SLC24A3: variants seen among roughly 807,000 people sequenced by gnomAD.
SLC24A3 encodes sodium/potassium/calcium exchanger 3.
A neutral mutation model predicts 75.8 loss-of-function variants in SLC24A3; 28 were observed. That is an observed-to-expected ratio of 0.37 (90% CI 0.27 to 0.51). The LOEUF (loss-of-function observed/expected upper bound fraction) is 0.51, where lower values mean the gene tolerates loss of function less well. SLC24A3 is among the 20% of genes least tolerant of loss of function. SLC24A3 has a pLI of 0.94. For missense variants in SLC24A3, 663 were observed against 847.8 expected, an observed-to-expected ratio of 0.78 and a Z score of 2.71; for synonymous variants, 372 against 334.1, an observed-to-expected ratio of 1.11 and a Z score of -1.24.
chr20:19,572,193 A>G (rs2031063101), intron 3 of SLC24A3, among the ~76,000 whole-genome samples: 1 of 152,110 alleles, frequency 6.6e-6, no homozygotes, highest in Admixed American at 6.5e-5. Flanking sequence ...TGTTACGTAA[A>G]AAAACTAGCA....
At chr20:19,546,183 A>AAAAAAAAAAAC (rs2030591710) in intron 3 of SLC24A3, among the ~76,000 whole-genome samples, 1 of 139,236 alleles carries the variant, frequency 7.2e-6, no homozygotes, top group Non-Finnish European at 1.6e-5. Flanking sequence ...AAAAAAAAAA[A>AAAAAAAAAAAC]AAAAACCAGG....
At chr20:19,467,076 C>G (rs957909520) in intron 2 of SLC24A3, among the ~76,000 whole-genome samples, 2 of 152,160 alleles carry the variant, frequency 1.3e-5, no homozygotes, top group Non-Finnish European at 2.9e-5. Flanking sequence ...ATCATTTAAG[C>G]ACAGCAGTGA....
chr20:19,311,761 T>A (rs1042810424), intron 2 of SLC24A3, among the ~76,000 whole-genome samples: 1 of 152,058 alleles, frequency 6.6e-6, no homozygotes, highest in Non-Finnish European at 1.5e-5. Flanking sequence ...GCTCTCTTTT[T>A]TCCCCTATGG....
chr20:19,312,440 G>A (rs1055705549), intron 2 of SLC24A3, among the ~76,000 whole-genome samples: 1 of 152,108 alleles, frequency 6.6e-6, no homozygotes, highest in African/African-American at 2.4e-5. Flanking sequence ...ATATCCTAGA[G>A]AACCCAAACA....
intron 2 of SLC24A3, among the ~76,000 whole-genome samples, chr20:19,405,632 C>T (rs112060505): frequency 3.9e-5 from 6 of 152,214 alleles, no homozygotes; most frequent in Non-Finnish European, 7.3e-5. Flanking sequence ...TCTACATTTT[C>T]GTTGAAAACC....
chr20:19,325,783 TATATATATATATAG>T, intron 2 of SLC24A3, among the ~76,000 whole-genome samples: 2 of 94,514 alleles, frequency 2.1e-5, no homozygotes, highest in Non-Finnish European at 4.4e-5. Flanking sequence ...TATACATATA[TATATATATATATAG>T]AGAGAGAGAG....
At chr20:19,317,121 G>C (rs535346775) in intron 2 of SLC24A3, among the ~76,000 whole-genome samples, 1 of 152,196 alleles carries the variant, frequency 6.6e-6, no homozygotes, top group East Asian at 1.9e-4. Context: ...GCTGTATACA[G>C]AAAATTAAAA....
chr20:19,619,009 C>A (rs736931), intron 6 of SLC24A3, among the ~76,000 whole-genome samples: 9,580 of 152,218 alleles, frequency 0.063, 408 homozygotes, highest in Non-Finnish European at 0.082. Context: ...AGCCAGCTAC[C>A]CCACTTTGCT....
intron 6 of SLC24A3, among the ~76,000 whole-genome samples, chr20:19,645,278 A>G (rs2032123621): frequency 6.6e-6 from 1 of 152,238 alleles, no homozygotes; most frequent in Non-Finnish European, 1.5e-5. Context: ...TCAGGGGCGC[A>G]TAGCACAGAA....
chr20:19,641,490 G>C (rs1319119956), intron 6 of SLC24A3, among the ~76,000 whole-genome samples: 1 of 152,222 alleles, frequency 6.6e-6, no homozygotes, highest in East Asian at 1.9e-4. Context: ...TGTGGACTCT[G>C]AGATAATCCT....
intron 2 of SLC24A3, among the ~76,000 whole-genome samples, chr20:19,378,907 C>CAAAAA (rs11475629): frequency 1.4e-5 from 2 of 138,322 alleles, no homozygotes; most frequent in African/African-American, 5.2e-5. Flanking sequence ...AAAAAAAGCT[C>CAAAAA]AAAAAAAAAA....
intron 2 of SLC24A3, among the ~76,000 whole-genome samples, chr20:19,375,144 T>C (rs972120679): frequency 1.3e-5 from 2 of 152,112 alleles, no homozygotes; most frequent in African/African-American, 4.8e-5. Context: ...CTGAAATCCT[T>C]GCCTCAGGGT....
intron 6 of SLC24A3, among the ~76,000 whole-genome samples, chr20:19,639,358 T>TA (rs1386942021): frequency 1.5e-5 from 2 of 137,718 alleles, no homozygotes; most frequent in African/African-American, 5.4e-5. Flanking sequence ...GAGCTAGACA[T>TA]AAAGGTTCTC....
rs149634360 is a variant in SLC24A3, at chr20:19,372,796, G to C, written c.271+91709G>C. On this transcript the variant is annotated intron_variant, in intron 2 of 16. Coordinates refer to ENST00000328041, the MANE Select transcript of SLC24A3 (RefSeq NM_020689.4). The stretch of plus-strand genomic sequence containing the variant: ...AAAATGCCCGGCTTTCCCTCCCCGA[G>C]CTCAGCACCACTGAGCAAAGGACAC... 2.1e-4 allele frequency among the ~76,000 whole-genome samples: 32 copies of C among 152,122 alleles called. No homozygotes were observed. In the East Asian group the frequency reaches 4.8e-3, roughly 23 times the overall value.
At chr20:19,577,028 T>C (rs1332627507) in intron 3 of SLC24A3, among the ~76,000 whole-genome samples, 2 of 152,084 alleles carry the variant, frequency 1.3e-5, no homozygotes, top group Non-Finnish European at 2.9e-5. Flanking sequence ...GGCTACAAAG[T>C]ACAGCAAGAA....
intron 1 of SLC24A3, among the ~76,000 whole-genome samples, chr20:19,276,647 A>G (rs1983496034): frequency 3.3e-5 from 5 of 152,164 alleles, no homozygotes; most frequent in Admixed American, 2.6e-4. Context: ...GCTCGTGCGT[A>G]TAATCCCAGC....
intron 3 of SLC24A3, among the ~76,000 whole-genome samples, chr20:19,578,463 G>A (rs528725546): frequency 2.0e-5 from 3 of 152,044 alleles, no homozygotes; most frequent in African/African-American, 7.2e-5. Context: ...TCCAGATGTG[G>A]GGTGTTTATA....
intron 8 of SLC24A3, among the ~76,000 whole-genome samples, chr20:19,667,428 G>T (rs1345422164): frequency 6.6e-6 from 1 of 152,194 alleles, no homozygotes; most frequent in African/African-American, 2.4e-5. Context: ...GGGATAAAGT[G>T]CAGCACAAGA....
At chr20:19,636,143 A>AAAAG (rs10536182) in intron 6 of SLC24A3, among the ~76,000 whole-genome samples, 28 of 151,170 alleles carry the variant, frequency 1.9e-4, no homozygotes, top group Non-Finnish European at 2.9e-4. Flanking sequence ...CCATCTCAAA[A>AAAAG]AAAGAAAGAA....
Sources: allele counts gnomAD v4.1 joint callset (sites outside exome capture counted in the v4.1 genomes callset), GRCh38; gene constraint gnomAD v4.1.1; transcripts MANE v1.5; gene names NCBI Gene and HGNC (gene_info 2026-07-23, HGNC 2026-07-21).